Variants in THBS2 observed in about 807,000 individuals in gnomAD.
The protein encoded by THBS2 is thrombospondin-2.
In THBS2, 47 loss-of-function variants were observed where a neutral mutation model predicts 135.2. The observed-to-expected ratio is 0.35, with a 90% CI of 0.28 to 0.44. The LOEUF is 0.44. THBS2 is among the 20% of genes least tolerant of loss of function. The pLI, the probability that THBS2 is intolerant of heterozygous loss-of-function variation, is 1.00. For synonymous variants in THBS2, 639 were observed against 633.8 expected, an observed-to-expected ratio of 1.01 and a Z score of -0.12; for missense variants, 1,288 against 1,603.1, an observed-to-expected ratio of 0.80 and a Z score of 3.36.
At position 169,229,590 on chromosome 6, in the gene THBS2, G is replaced by A. The variant is rs375479793; in HGVS notation, c.2241C>T (p.Asp747=). The part of the protein sequence containing the change: ...GDACDDDDDN[D]GVTDEKDNCQ... ...CTCCTACCTTCTCATCGGTCACACCGTCATTGTCATCGTCATCATCACAGG... is the reference window on the plus strand; with the variant it reads ...CTCCTACCTTCTCATCGGTCACACCATCATTGTCATCGTCATCATCACAGG... The change falls in exon 14 of 22, where the codon GAC becomes GAT. Residue 747 remains aspartate, a synonymous_variant. Coordinates refer to ENST00000617924, the MANE Select transcript of THBS2 (RefSeq NM_003247.5). 1.5e-5 allele frequency: 25 copies of A among 1,613,936 alleles called. No homozygotes were observed. The highest frequency in any genetic ancestry group is 8.3e-5 in the Admixed American group (5 of 59,998).
intron 4 of THBS2, among the ~76,000 whole-genome samples, chr6:169,244,347 G>T (rs1299942573): frequency 2.0e-5 from 2 of 100,424 alleles, no homozygotes; most frequent in East Asian, 7.2e-4. Flanking sequence ...CACACAAGGT[G>T]TTTGCTCACA....
chr6:169,246,295 C>T lies in THBS2; in HGVS notation c.610-14G>A. 6.2e-7 allele frequency: 1 copy of T among 1,607,104 alleles called. No individual in the cohort carries two copies. The highest frequency in any genetic ancestry group is 8.5e-7 in the Non-Finnish European group (1 of 1,174,220). Reference sequence around the variant, plus strand: ...CTGAAGCAAACCCTGTAAGTATACACAAGCAGAAAAATAGAGCAACAGATA... The same window carrying T: ...CTGAAGCAAACCCTGTAAGTATACATAAGCAGAAAAATAGAGCAACAGATA... On this transcript the variant is annotated splice_polypyrimidine_tract_variant and intron_variant, in intron 3 of 21. Coordinates refer to ENST00000617924, the MANE Select transcript of THBS2 (RefSeq NM_003247.5).
At chr6:169,220,461 GCC>G in intron 20 of THBS2, 124 bp from the exon 21 acceptor site, 1 of 1,217,226 alleles carries the variant, frequency 8.2e-7, no homozygotes, top group Non-Finnish European at 1.1e-6. Context: ...GGGCTTCAGT[GCC>G]CCAGGGGGCA....
At position 169,225,323 on chromosome 6, in the gene THBS2, A is replaced by G; in HGVS notation, c.2595T>C (p.Asp865=). 1.9e-6 allele frequency: 3 copies of G among 1,575,610 alleles called. No individual in the cohort carries two copies. Among genetic ancestry groups the G allele is most frequent in the Non-Finnish European group, 2.6e-6 (3 of 1,160,162 alleles). ...CCTGGTTGTTCTGGTGGCCGTCGTC[A>G]TCTATGTCCTCGTTGTTGTCACACT... ...GDQCDNNEDI[D]DDGHQNNQDN... The change falls in exon 17 of 22, where the codon GAT becomes GAC. Residue 865 remains aspartate (D), a synonymous_variant. Transcript: ENST00000617924.
Position 169,231,962 on chromosome 6 carries a change from G to T in THBS2, c.2151+18C>A. The T allele has an allele frequency of 6.2e-7, 1 of 1,612,152 alleles. No individual in the cohort carries two copies. The highest frequency in any genetic ancestry group is 8.5e-7 in the Non-Finnish European group (1 of 1,179,434). Reference sequence around the variant, plus strand: ...TGACCGCCGTGGCCCCGTGTGCCCTGCGAGCCCCGCGCCTCACCTTGATGC... The same window carrying T: ...TGACCGCCGTGGCCCCGTGTGCCCTTCGAGCCCCGCGCCTCACCTTGATGC... On this transcript the variant is annotated intron_variant, in intron 13 of 21. Coordinates refer to ENST00000617924, the MANE Select transcript of THBS2 (RefSeq NM_003247.5).
At position 169,241,911 on chromosome 6, in the gene THBS2, G is replaced by C; in HGVS notation, c.742C>G (p.Pro248Ala). The change falls in exon 5 of 22, where the codon CCG (proline) becomes GCG (alanine). Residue 248 changes from proline (P) to alanine (A), a missense_variant. Around this residue, in one of 2 missense-constraint regions of THBS2, gnomAD observed 414 missense variants for 447.0 expected, o/e 0.93. Transcript: ENST00000617924. This position sits in a 1 kb window ranked among gnomAD's most constrained non-coding sequence, Gnocchi z 5.5. ...SENTETLRLG[P>A]HVTTEYVGPS... ...CCCACGTACTCGGTGGTGACATGCG[G>C]ACCCAGGCGCAGCGTCTCTGTGTTC... 5.0e-6 allele frequency: 8 copies of C among 1,611,854 alleles called. No homozygotes were observed. The highest frequency in any genetic ancestry group is 5.9e-6 in the Non-Finnish European group (7 of 1,179,874).
At chr6:169,237,546 C>T in intron 8 of THBS2, 79 bp downstream of exon 8, 4 of 1,593,040 alleles carry the variant, frequency 2.5e-6, no homozygotes, top group Non-Finnish European at 3.4e-6. Flanking sequence ...CAGCTCTGTC[C>T]CTTGCAAAGG....
At chr6:169,220,821 T>G (rs1238455163) in intron 20 of THBS2, among the ~76,000 whole-genome samples, 2 of 152,140 alleles carry the variant, frequency 1.3e-5, no homozygotes, top group African/African-American at 4.8e-5. Context: ...AGGGAAACGT[T>G]CCAGCGAGGC....
intron 20 of THBS2, among the ~76,000 whole-genome samples, chr6:169,221,177 A>G (rs1030784571): frequency 4.6e-5 from 7 of 152,216 alleles, no homozygotes; most frequent in Non-Finnish European, 1.0e-4. Flanking sequence ...TGCCTGGGGT[A>G]TTCATTAGGA....
chr6:169,231,777 C>A (rs962439843), intron 13 of THBS2, among the ~76,000 whole-genome samples: 2 of 152,202 alleles, frequency 1.3e-5, no homozygotes, highest in Non-Finnish European at 2.9e-5. Flanking sequence ...GTGGGCGGCG[C>A]CAGAGTGTGC....
Position 169,223,481 on chromosome 6 carries a change from C to T in THBS2, c.2774-6G>A. On this transcript the variant is annotated splice_polypyrimidine_tract_variant and splice_region_variant and intron_variant, in intron 17 of 21. Coordinates refer to ENST00000617924, the MANE Select transcript of THBS2 (RefSeq NM_003247.5). ...AATATCACCCCGTCCATCACCTATG[C>T]ACAAAGAACAAGCAAAAACAAAAAC... 1.2e-6 allele frequency: 2 copies of T among 1,609,282 alleles called. No homozygotes were observed. Among genetic ancestry groups the T allele is most frequent in the Non-Finnish European group, 1.7e-6 (2 of 1,176,266 alleles).
chr6:169,251,147 G>A (rs1034791826), intron 1 of THBS2, among the ~76,000 whole-genome samples: 2 of 152,150 alleles, frequency 1.3e-5, no homozygotes, highest in East Asian at 1.9e-4. Flanking sequence ...CAAGTTCAGC[G>A]CTTGCCTGGA....
intron 20 of THBS2, 119 bp from the exon 21 acceptor site, chr6:169,220,456 T>TCAGTGCCC: frequency 7.7e-7 from 1 of 1,294,840 alleles, no homozygotes; most frequent in Non-Finnish European, 1.1e-6. Flanking sequence ...GCCCAGGGCT[T>TCAGTGCCC]CAGTGCCCCA....
In THBS2 at chr6:169,226,172, G is replaced by A; in HGVS notation, c.2538+8C>T. ...CCTCCAACCCCGCCTGTCTGCGGCTGCCCTCACCTGGTCAGGGTTGTGCAC... is the reference window on the plus strand; with the variant it reads ...CCTCCAACCCCGCCTGTCTGCGGCTACCCTCACCTGGTCAGGGTTGTGCAC... On this transcript the variant is annotated splice_region_variant and intron_variant, in intron 16 of 21. Transcript: ENST00000617924. 1.2e-6 allele frequency: 2 copies of A among 1,608,184 alleles called. No individual in the cohort carries two copies. Among genetic ancestry groups the A allele is most frequent in the Non-Finnish European group, 1.7e-6 (2 of 1,176,246 alleles).
chr6:169,237,455 G>A, intron 8 of THBS2, 109 bp from the exon 9 acceptor site: 2 of 1,499,214 alleles, frequency 1.3e-6, no homozygotes, highest in Non-Finnish European at 1.8e-6. Context: ...TGAGGAGAGG[G>A]AAGGAGAACC....
chr6:169,245,267 A>G (rs1334002710), intron 4 of THBS2, among the ~76,000 whole-genome samples: 2 of 152,236 alleles, frequency 1.3e-5, no homozygotes, highest in Non-Finnish European at 2.9e-5. Context: ...TGTAAAATGA[A>G]GAAAGTGAAA....
intron 1 of THBS2, among the ~76,000 whole-genome samples, chr6:169,253,292 C>T (rs1780813523): frequency 6.6e-6 from 1 of 152,204 alleles, no homozygotes; most frequent in African/African-American, 2.4e-5. Flanking sequence ...ATCAGAGTCT[C>T]TCTCTAATCT....
At chr6:169,244,600 GCA>G (rs34824221) in intron 4 of THBS2, among the ~76,000 whole-genome samples, 67,171 of 143,290 alleles carry the variant, frequency 0.47, 16,932 homozygotes, top group African/African-American at 0.69. Context: ...ACACACGCAC[GCA>G]CACACACACA....
chr6:169,222,125 C>G (rs1457221674), intron 19 of THBS2, 72 bp downstream of exon 19: 12 of 1,506,212 alleles, frequency 8.0e-6, no homozygotes, highest in Non-Finnish European at 9.7e-6. Context: ...CTGGACTGGG[C>G]TAGTCCTGCT....
Sources: gnomAD v4.1 joint callset for allele counts (sites outside exome capture counted in the v4.1 genomes callset) on GRCh38, gnomAD v4.1.1 for gene constraint, gnomAD v4.1.1 regional missense constraint, Gnocchi (gnomAD v3.1) non-coding constraint, MANE v1.5 for transcripts, NCBI Gene and HGNC (gene_info 2026-07-23, HGNC 2026-07-21) for gene names.